FLVCR2: variants seen among roughly 807,000 people sequenced by gnomAD.
FLVCR2 encodes the protein FLVCR choline and putative heme transporter 2.
In FLVCR2, 38 loss-of-function variants were observed where a neutral mutation model predicts 48.9. The observed-to-expected ratio is 0.78, with a 90% CI of 0.60 to 1.02. The LOEUF (loss-of-function observed/expected upper bound fraction) is 1.02. Ranked by LOEUF, FLVCR2 falls within the 50% of genes least tolerant of loss-of-function variation. FLVCR2 has a pLI of 0.00. For missense variants in FLVCR2, 664 were observed against 663.3 expected (o/e 1.00, Z -0.01); for synonymous variants, 255 against 257.0 (o/e 0.99, Z 0.07).
chr14:75,632,509 G>A, intron 3 of FLVCR2: 1 of 638,460 alleles, frequency 1.6e-6, no homozygotes, highest in Admixed American at 2.5e-5. Flanking sequence ...TGGTGCCTGT[G>A]AGCATTAAGC....
chr14:75,647,948 GAAGA>G lies in FLVCR2; in HGVS notation c.*1482_*1485del, dbSNP rs898305380. On this transcript the variant is annotated 3_prime_UTR_variant, in exon 10 of 10. Transcript: ENST00000238667. ...TGCAAGGAACATGCTGTATGTAATA[GAAGA>G]AAGAAGTCCACGTTTTCGGCAGAAG... 1 of 152,870 alleles carries G rather than the reference GAAGA, an allele frequency of 6.5e-6. No individual in the cohort carries two copies. The highest frequency in any genetic ancestry group is 1.5e-5 in the Non-Finnish European group (1 of 68,050). The allele number at this position is 152,870 out of a possible 1,614,324, so 9.5% of individuals were successfully genotyped here.
intron 1 of FLVCR2, among the ~76,000 whole-genome samples, chr14:75,586,053 T>C (rs182960557): frequency 8.2e-4 from 125 of 152,340 alleles, no homozygotes; most frequent in African/African-American, 2.8e-3. Flanking sequence ...CCCTCTGACC[T>C]GGGTCTTCGG....
rs796705574 is a variant in FLVCR2 at position 75,645,045 on chromosome 14, T to G, written c.1510-1356T>G. Among the ~76,000 whole-genome samples, 335 of 117,622 alleles carry G rather than the reference T, an allele frequency of 2.8e-3. 6 individuals carry two copies. The highest frequency in any genetic ancestry group is 0.025 in the South Asian group (75 of 3,010). The allele number at this position is 117,622 out of a possible 152,430, so 77.2% of individuals were successfully genotyped here. ...AGGAGGCGGGCGTGGTGTGTGTGTG[T>G]GTGTGTGTGTGTGTGTGTGTGTGTG... On this transcript the variant is annotated intron_variant, in intron 9 of 9. Transcript: ENST00000238667.
intron 1 of FLVCR2, among the ~76,000 whole-genome samples, chr14:75,607,904 C>T (rs1163745927): frequency 6.6e-6 from 1 of 152,118 alleles, no homozygotes; most frequent in South Asian, 2.1e-4. Context: ...GAGACTCTAT[C>T]TCTACAAAAA....
At chr14:75,609,206 G>A (rs1487531535) in intron 1 of FLVCR2, among the ~76,000 whole-genome samples, 2 of 152,196 alleles carry the variant, frequency 1.3e-5, no homozygotes, top group African/African-American at 4.8e-5. Flanking sequence ...GAAGGTCCCT[G>A]TTGGCAATAG....
At chr14:75,605,578 C>T in intron 1 of FLVCR2, 1 of 1,536,108 alleles carries the variant, frequency 6.5e-7, no homozygotes, top group East Asian at 2.4e-5. Flanking sequence ...AGCATGAGCG[C>T]AGATAACAGC....
At chr14:75,591,806 CTTTTTT>C (rs1163085989) in intron 1 of FLVCR2, among the ~76,000 whole-genome samples, 3 of 109,310 alleles carry the variant, frequency 2.7e-5, no homozygotes, top group African/African-American at 7.6e-5. Context: ...CTCTTCATTC[CTTTTTT>C]TTTTTTTTTT....
intron 1 of FLVCR2, among the ~76,000 whole-genome samples, chr14:75,620,216 G>A (rs981183464): frequency 1.4e-4 from 22 of 152,170 alleles, no homozygotes; most frequent in Admixed American, 3.9e-4. Flanking sequence ...TTGAAGATGA[G>A]CAGTAGGAAG....
intron 1 of FLVCR2, among the ~76,000 whole-genome samples, chr14:75,597,152 T>C (rs1889042760): frequency 6.6e-6 from 1 of 151,358 alleles, no homozygotes; most frequent in African/African-American, 2.4e-5. Context: ...ATGGTAGAGC[T>C]CACCTGTAGT....
At position 75,579,649 on chromosome 14, in the gene FLVCR2, G is replaced by C. The variant is rs769337002; in HGVS notation, c.669+8G>C. On this transcript the variant is annotated splice_region_variant and intron_variant, in intron 1 of 9. Transcript: ENST00000238667. ...GCTGTCTTTGGCAATCAGGTAGGTA[G>C]AACAGTTTGTGAATGTTCCCAGGGG... 5 of 1,614,034 alleles carry C rather than the reference G, an allele frequency of 3.1e-6. No homozygotes were observed. Among genetic ancestry groups the C allele is most frequent in the Non-Finnish European group, 4.2e-6 (5 of 1,180,004 alleles).
chr14:75,596,131 CA>C, intron 1 of FLVCR2: 1 of 858,630 alleles, frequency 1.2e-6, no homozygotes. Context: ...TGAAGGATAT[CA>C]ATGACTGTTT....
chr14:75,622,494 G>T lies in FLVCR2; in HGVS notation c.811+274G>T, dbSNP rs79184961. On this transcript the variant is annotated intron_variant, in intron 2 of 9. Transcript: ENST00000238667. ...TACCTCATCAGAAGTAATGGGTAGA[G>T]TGCTAGTCCCCTTGATGAAACCCAC... Among the ~76,000 whole-genome samples the T allele has an allele frequency of 5.2e-3, 799 of 152,280 alleles. 16 individuals are homozygous for T. In the South Asian group the frequency reaches 0.075, roughly 14 times the overall value.
intron 3 of FLVCR2, among the ~76,000 whole-genome samples, 154 bp downstream of exon 3, chr14:75,624,906 C>T (rs562223135): frequency 6.6e-6 from 1 of 152,280 alleles, no homozygotes; most frequent in South Asian, 2.1e-4. Flanking sequence ...GCCCAAGGGC[C>T]TTTGCATGTG....
chr14:75,585,860 TGGGTAGCAAGAGAGGAAGATTGAA>T (rs1888734280), intron 1 of FLVCR2, among the ~76,000 whole-genome samples: 1 of 152,010 alleles, frequency 6.6e-6, no homozygotes, highest in Non-Finnish European at 1.5e-5. Flanking sequence ...GGGAGATTGA[TGGGTAGCAAGAGAGGAAGATTGAA>T]GGGTAGCAAG....
Position 75,579,803 on chromosome 14 carries a change from C to T in FLVCR2, c.669+162C>T, listed in dbSNP as rs145121003. 5.9e-5 allele frequency among the ~76,000 whole-genome samples: 9 copies of T among 152,310 alleles called. No homozygotes were observed. In the East Asian group the frequency reaches 1.2e-3, roughly 20 times the overall value. ...AGTGATTGTGATGCTGTAAGAGAGG[C>T]GGGAAACAAAAGCAGGGGGACCTGC... is the stretch of plus-strand genomic sequence containing the variant. On this transcript the variant is annotated intron_variant, in intron 1 of 9. Coordinates refer to ENST00000238667, the MANE Select transcript of FLVCR2 (RefSeq NM_017791.3).
Position 75,600,578 on chromosome 14 carries a change from G to A in FLVCR2, c.669+20937G>A, listed in dbSNP as rs796497557. ...GTTATACTATATTCAAAAATTAACT[G>A]AAAAATGGATCAAAGACTTAAACAT... is the stretch of plus-strand genomic sequence containing the variant. On this transcript the variant is annotated intron_variant, in intron 1 of 9. Transcript: ENST00000238667. Among the ~76,000 whole-genome samples, 7 of 152,120 alleles carry A rather than the reference G, an allele frequency of 4.6e-5. 1 individual carries two copies. The highest frequency in any genetic ancestry group is 1.9e-4 in the East Asian group (1 of 5,184).
At chr14:75,603,526 C>T (rs1388780767) in intron 1 of FLVCR2, among the ~76,000 whole-genome samples, 1 of 152,172 alleles carries the variant, frequency 6.6e-6, no homozygotes, top group Non-Finnish European at 1.5e-5. Flanking sequence ...CTGCATTTAC[C>T]ATCTTTCAAT....
At chr14:75,640,714 C>CT in intron 6 of FLVCR2, 1 of 552,030 alleles carries the variant, frequency 1.8e-6, no homozygotes, top group Non-Finnish European at 3.3e-6. Flanking sequence ...GATGGAGAAG[C>CT]AGCAAGGGAT....
At chr14:75,632,030 T>C (rs2140046428) in intron 3 of FLVCR2, among the ~76,000 whole-genome samples, 1 of 152,316 alleles carries the variant, frequency 6.6e-6, no homozygotes, top group Admixed American at 6.5e-5. Context: ...GAGCCCAACC[T>C]TGTAGCATCC....
Sources: allele counts gnomAD v4.1 joint callset (sites outside exome capture counted in the v4.1 genomes callset), GRCh38; gene constraint gnomAD v4.1.1; transcripts MANE v1.5; gene names NCBI Gene and HGNC (gene_info 2026-07-23, HGNC 2026-07-21).